Variants in DIP2A observed in about 807,000 individuals in gnomAD.
The protein encoded by DIP2A is DIP2 acetate--CoA ligase A.
Under a neutral mutation model 177.4 loss-of-function variants are expected in DIP2A, and 85 were observed. The observed-to-expected ratio is 0.48, with a 90% confidence interval of 0.40 to 0.57. DIP2A has a LOEUF of 0.57. Ranked by LOEUF, DIP2A falls within the 20% of genes least tolerant of loss-of-function variation. The pLI, the probability that DIP2A is intolerant of heterozygous loss-of-function variation, is 0.00. For synonymous variants in DIP2A, 886 were observed against 881.8 expected, an observed-to-expected ratio of 1.00 and a Z score of -0.08; for missense variants, 1,791 against 2,100.2, an observed-to-expected ratio of 0.85 and a Z score of 2.88.
intron 2 of DIP2A, 73 bp from the exon 3 acceptor site, chr21:46,490,527 T>C (rs1249715495): frequency 4.0e-6 from 6 of 1,487,014 alleles, no homozygotes; most frequent in Non-Finnish European, 5.4e-6. Context: ...ATGTAAGCTG[T>C]TTTCAATGGA....
intron 32 of DIP2A, among the ~76,000 whole-genome samples, chr21:46,559,768 T>A (rs2060603754): frequency 2.0e-5 from 3 of 152,208 alleles, no homozygotes; most frequent in Non-Finnish European, 4.4e-5. Flanking sequence ...GGCTGCTGCT[T>A]CTGTGTGTGT....
chr21:46,561,644 C>T (rs2060666947), intron 33 of DIP2A, 104 bp from the exon 34 acceptor site: 1 of 1,422,282 alleles, frequency 7.0e-7, no homozygotes, highest in Non-Finnish European at 9.9e-7. Context: ...TGACTGTTGT[C>T]AACAGACCCT....
At chr21:46,571,557 C>T (rs1383678289), downstream of DIP2A, among the ~76,000 whole-genome samples, 1 of 152,144 alleles carries the variant, frequency 6.6e-6, no homozygotes, top group Non-Finnish European at 1.5e-5. Context: ...CATTTGTTTG[C>T]ATCCTCTCCT....
At chr21:46,518,685 T>C (rs961283753) in intron 8 of DIP2A, among the ~76,000 whole-genome samples, 26 of 152,132 alleles carry the variant, frequency 1.7e-4, no homozygotes, top group African/African-American at 5.5e-4. Context: ...GGCAAAAGCC[T>C]GTCTCTACTA....
intron 24 of DIP2A, 30 bp downstream of exon 24, chr21:46,551,773 C>T (rs951615519): frequency 1.4e-5 from 23 of 1,613,270 alleles, no homozygotes; most frequent in South Asian, 2.2e-5. Context: ...GACGGGTGGA[C>T]GGGTGTCTGT....
chr21:46,463,770 G>A (rs796746173), intron 1 of DIP2A, among the ~76,000 whole-genome samples: 9 of 151,260 alleles, frequency 6.0e-5, no homozygotes, highest in East Asian at 2.0e-4. Context: ...GTTCAGTGGC[G>A]CGATCTCGGC....
intron 5 of DIP2A, among the ~76,000 whole-genome samples, chr21:46,503,611 C>CCTTCCTTT (rs2057790850): frequency 7.0e-5 from 9 of 128,652 alleles, no homozygotes; most frequent in Admixed American, 3.0e-4. Context: ...TTCCTTCCTT[C>CCTTCCTTT]CTTTCTTTCT....
At chr21:46,483,487 G>A (rs572040756) in intron 1 of DIP2A, among the ~76,000 whole-genome samples, 33 of 152,346 alleles carry the variant, frequency 2.2e-4, no homozygotes, top group African/African-American at 6.7e-4. Flanking sequence ...GGGCTTGGGC[G>A]CAGTGCAGGG....
At chr21:46,515,621 C>T (rs1178668690) in intron 8 of DIP2A, among the ~76,000 whole-genome samples, 2 of 152,092 alleles carry the variant, frequency 1.3e-5, no homozygotes, top group Non-Finnish European at 2.9e-5. Context: ...ACTGCAAGCT[C>T]CACCCCCCAG....
rs558994526 is a variant in DIP2A, at chr21:46,503,049, G to A, written c.656-1312G>A. ...TTTAAGAACTTGATTGTGGCCAGGC[G>A]CGGTGGATCACACCTGTAATCCCAG... On this transcript the variant is annotated intron_variant, in intron 5 of 37. Transcript: ENST00000417564. Among the ~76,000 whole-genome samples the A allele has an allele frequency of 2.6e-4, 40 of 152,030 alleles. No homozygotes were observed. In the South Asian group the frequency reaches 3.7e-3, roughly 14 times the overall value.
rs747479609 is a variant in DIP2A, at chr21:46,551,809, C to T, written c.2950-15C>T. On this transcript the variant is annotated splice_polypyrimidine_tract_variant and intron_variant, in intron 24 of 37. Transcript: ENST00000417564. ...GCCCCGGAGGCGCCAGTGAGCAAGT[C>T]GCCCTCTCGTGCAGTTCCTGTTCCT... 1.3e-5 allele frequency: 21 copies of T among 1,612,666 alleles called. No individual in the cohort carries two copies. The highest frequency in any genetic ancestry group is 8.4e-5 in the Admixed American group (5 of 59,854).
At chr21:46,527,108 A>G (rs1402379629) in intron 8 of DIP2A, among the ~76,000 whole-genome samples, 2 of 152,074 alleles carry the variant, frequency 1.3e-5, no homozygotes, top group African/African-American at 4.8e-5. Flanking sequence ...CCATCTATTG[A>G]TATGATTGTT....
intron 16 of DIP2A, 137 bp from the exon 17 acceptor site, chr21:46,539,740 A>C: frequency 1.4e-6 from 1 of 736,648 alleles, no homozygotes; most frequent in Non-Finnish European, 2.5e-6. Flanking sequence ...GTACCTGTGA[A>C]GGGGCCCCTT....
At chr21:46,469,692 C>T (rs1380426101) in intron 1 of DIP2A, among the ~76,000 whole-genome samples, 1 of 152,158 alleles carries the variant, frequency 6.6e-6, no homozygotes, top group African/African-American at 2.4e-5. Flanking sequence ...GTCTCAAGGA[C>T]TCCTCATTGG....
Position 46,541,739 on chromosome 21 carries a change from G to A in DIP2A, c.2037-17G>A, listed in dbSNP as rs1050223975. ...ATCCCCCTCGTCAGTTAAACCCATG[G>A]TGGTTTTATTTTCTAGGCCACCTGA... On this transcript the variant is annotated splice_polypyrimidine_tract_variant and intron_variant, in intron 17 of 37. Transcript: ENST00000417564. The A allele has an allele frequency of 2.0e-5, 32 of 1,613,634 alleles. No homozygotes were observed. Among genetic ancestry groups the A allele is most frequent in the Non-Finnish European group, 2.4e-5 (28 of 1,179,846 alleles).
chr21:46,460,177 C>G (rs2054175220), intron 1 of DIP2A, among the ~76,000 whole-genome samples: 1 of 152,096 alleles, frequency 6.6e-6, no homozygotes, highest in Non-Finnish European at 1.5e-5. Context: ...TGTTAGCCCC[C>G]TCATGGAATT....
Position 46,563,735 on chromosome 21 carries a change from AC to A in DIP2A, c.4090-121del, listed in dbSNP as rs1449122651. The A allele has an allele frequency of 4.6e-5, 65 of 1,427,718 alleles. No homozygotes were observed. The highest frequency in any genetic ancestry group is 5.6e-5 in the Non-Finnish European group (61 of 1,083,168). 88.4% of individuals were successfully genotyped at this position (1,427,718 alleles called of 1,614,324 possible). ...TTTGGAGCGGCCTCTAAACTTCCTG[AC>A]CTGACATGAGCACATCAGTCCTGCA... On this transcript the variant is annotated intron_variant, in intron 34 of 37. Transcript: ENST00000417564. The surrounding 1 kb of genome is among the most constrained non-coding windows in gnomAD (Gnocchi z 4.3).
At chr21:46,576,610 A>G in the DIP2A span, among the ~76,000 whole-genome samples, 1 of 152,118 alleles carries the variant, frequency 6.6e-6, no homozygotes, top group South Asian at 2.1e-4. Flanking sequence ...TTTGTAATAG[A>G]ATAATTTATA....
At chr21:46,532,038 CA>C (rs1035376100) in intron 9 of DIP2A, 88 bp from the exon 10 acceptor site, 138 of 1,299,762 alleles carry the variant, frequency 1.1e-4, no homozygotes, top group Admixed American at 3.3e-4. Flanking sequence ...TTGGGGCTTA[CA>C]AAAATTTTAT....
Sources: allele counts gnomAD v4.1 joint callset (sites outside exome capture counted in the v4.1 genomes callset), GRCh38; gene constraint gnomAD v4.1.1; non-coding constraint Gnocchi (gnomAD v3.1); transcripts MANE v1.5; gene names NCBI Gene and HGNC (gene_info 2026-07-23, HGNC 2026-07-21).